The following NALF1 variants were observed in gnomAD, a reference collection of about 807,000 sequenced individuals.
The protein encoded by NALF1 is family with sequence similarity 155 member A.
Under a neutral mutation model 48.4 loss-of-function variants are expected in NALF1, and 3 were observed. The observed-to-expected ratio is 0.06, with a 90% CI of 0.03 to 0.16. NALF1 has a LOEUF of 0.16. Among genes scored for constraint, NALF1 ranks in the 10% least tolerant of loss-of-function variants. The pLI is 1.00. For synonymous variants in NALF1, 262 were observed against 245.7 expected, an observed-to-expected ratio of 1.07 and a Z score of -0.62; for missense variants, 526 against 571.5, an observed-to-expected ratio of 0.92 and a Z score of 0.81.
intron 1 of NALF1, among the ~76,000 whole-genome samples, chr13:107,782,862 GC>G (rs1230834429): frequency 6.7e-6 from 1 of 150,076 alleles, no homozygotes; most frequent in Admixed American, 6.6e-5. Flanking sequence ...CCCGGCAGCC[GC>G]CCCGTCTGGG....
At chr13:107,274,756 A>G (rs1475774584) in intron 1 of NALF1, among the ~76,000 whole-genome samples, 3 of 152,160 alleles carry the variant, frequency 2.0e-5, no homozygotes, top group African/African-American at 7.2e-5. Context: ...TTTTAGAAAG[A>G]TGGACCCTTT....
chr13:107,243,443 G>A (rs959910904), intron 1 of NALF1, among the ~76,000 whole-genome samples: 6 of 152,166 alleles, frequency 3.9e-5, no homozygotes, highest in South Asian at 2.1e-4. Flanking sequence ...TCCAGGGCAC[G>A]TATCACAATG....
intron 1 of NALF1, among the ~76,000 whole-genome samples, chr13:107,590,543 T>C (rs1878576710): frequency 6.6e-6 from 1 of 151,930 alleles, no homozygotes; most frequent in Non-Finnish European, 1.5e-5. Context: ...AGTATAATAA[T>C]GTTTTGTATA....
At chr13:107,619,101 G>T (rs1209163801) in intron 1 of NALF1, among the ~76,000 whole-genome samples, 4 of 152,218 alleles carry the variant, frequency 2.6e-5, no homozygotes, top group Admixed American at 2.6e-4. Flanking sequence ...TACTGTGATG[G>T]AGGAATTGAA....
chr13:107,463,077 T>C (rs1461054263), intron 1 of NALF1, among the ~76,000 whole-genome samples: 1 of 152,180 alleles, frequency 6.6e-6, no homozygotes, highest in Non-Finnish European at 1.5e-5. Context: ...GGTCAGAAGA[T>C]GTATGGTCTG....
At chr13:107,754,932 C>T (rs1023427995) in intron 1 of NALF1, among the ~76,000 whole-genome samples, 28 of 152,088 alleles carry the variant, frequency 1.8e-4, no homozygotes, top group African/African-American at 6.8e-4. Flanking sequence ...TCATGTTTTC[C>T]TCGAATTTAT....
intron 1 of NALF1, among the ~76,000 whole-genome samples, chr13:107,479,814 T>C (rs1038917169): frequency 6.6e-6 from 1 of 152,170 alleles, no homozygotes; most frequent in African/African-American, 2.4e-5. Context: ...CTGTATAACT[T>C]TTTAAAAATT....
chr13:107,828,589 A>G (rs368770144), intron 1 of NALF1, among the ~76,000 whole-genome samples: 1 of 81,762 alleles, frequency 1.2e-5, no homozygotes. Context: ...CTATCTATCT[A>G]TCTATATCTA....
intron 1 of NALF1, among the ~76,000 whole-genome samples, chr13:107,325,845 C>CTTATAT (rs1882342350): frequency 4.5e-5 from 2 of 44,072 alleles, no homozygotes; most frequent in Non-Finnish European, 9.6e-5. Flanking sequence ...TGTCTCAACA[C>CTTATAT]ACACACACAC....
At chr13:107,759,671 C>A (rs116124281) in intron 1 of NALF1, among the ~76,000 whole-genome samples, 2,466 of 152,292 alleles carry the variant, frequency 0.016, 69 homozygotes, top group African/African-American at 0.056. Context: ...TGTGTTCTCC[C>A]CTTACCTTAC....
intron 1 of NALF1, among the ~76,000 whole-genome samples, chr13:107,244,588 C>A (rs571158306): frequency 6.6e-6 from 1 of 152,296 alleles, no homozygotes; most frequent in Non-Finnish European, 1.5e-5. Flanking sequence ...TTTTGTACAT[C>A]TTTTGAAGCT....
At chr13:107,589,938 G>A (rs1207624982) in intron 1 of NALF1, among the ~76,000 whole-genome samples, 3 of 151,906 alleles carry the variant, frequency 2.0e-5, no homozygotes, top group African/African-American at 7.3e-5. Flanking sequence ...TAGCTACTAG[G>A]CACTTCCACC....
At chr13:107,316,058 C>A (rs1882143354) in intron 1 of NALF1, among the ~76,000 whole-genome samples, 1 of 151,988 alleles carries the variant, frequency 6.6e-6, no homozygotes, top group African/African-American at 2.4e-5. Context: ...TTCCCCCACC[C>A]CACAACAGTC....
chr13:107,425,032 C>T (rs767725421), intron 1 of NALF1, among the ~76,000 whole-genome samples: 1 of 152,168 alleles, frequency 6.6e-6, no homozygotes, highest in African/African-American at 2.4e-5. Flanking sequence ...TTTAGATTGT[C>T]GCTGTTAGAC....
At chr13:107,530,716 T>C (rs1387637134) in intron 1 of NALF1, among the ~76,000 whole-genome samples, 1 of 152,066 alleles carries the variant, frequency 6.6e-6, no homozygotes, top group Non-Finnish European at 1.5e-5. Flanking sequence ...AGAGAAAACA[T>C]AGTATCACTT....
In NALF1 at chr13:107,840,698, A is replaced by C. The variant is rs369179642; in HGVS notation, c.915+24984T>G. Among the ~76,000 whole-genome samples the C allele has an allele frequency of 2.6e-4, 40 of 152,300 alleles. No homozygotes were observed. The East Asian group carries it at 4.3e-3, about 16-fold the overall frequency. On this transcript the variant is annotated intron_variant, in intron 1 of 2. Coordinates refer to ENST00000375915, the MANE Select transcript of NALF1 (RefSeq NM_001080396.3). Reference sequence around the variant, plus strand: ...GAATGTCTATTGGGAAGCAGTTGTCAGTCTCTCATACATGGAGACAAAAGA... The same window carrying C: ...GAATGTCTATTGGGAAGCAGTTGTCCGTCTCTCATACATGGAGACAAAAGA...
At chr13:107,675,940 C>T (rs775073969) in intron 1 of NALF1, among the ~76,000 whole-genome samples, 1 of 152,070 alleles carries the variant, frequency 6.6e-6, no homozygotes, top group Admixed American at 6.6e-5. Context: ...GAGCCACTTG[C>T]TACCAGATTT....
intron 1 of NALF1, among the ~76,000 whole-genome samples, chr13:107,565,461 A>C (rs527449616): frequency 1.6e-4 from 24 of 152,162 alleles, no homozygotes; most frequent in African/African-American, 5.5e-4. Context: ...AAGTATGCCC[A>C]AAAGAAAGCA....
chr13:107,848,559 T>C (rs138055946), intron 1 of NALF1, among the ~76,000 whole-genome samples: 1 of 152,342 alleles, frequency 6.6e-6, no homozygotes, highest in Non-Finnish European at 1.5e-5. Flanking sequence ...AATTTCCTTG[T>C]TACTTGCCAC....
Sources: gnomAD v4.1 joint callset for allele counts (sites outside exome capture counted in the v4.1 genomes callset) on GRCh38, gnomAD v4.1.1 for gene constraint, MANE v1.5 for transcripts, NCBI Gene and HGNC (gene_info 2026-07-23, HGNC 2026-07-21) for gene names.